NRXN3: variants seen among roughly 807,000 people sequenced by gnomAD.
NRXN3 encodes the protein neurexin III.
Under a neutral mutation model 137.6 loss-of-function variants are expected in NRXN3, and 32 were observed. That is an observed-to-expected ratio of 0.23 (90% CI 0.18 to 0.31). The LOEUF is 0.31. Ranked by LOEUF, NRXN3 falls within the 10% of genes least tolerant of loss-of-function variation. The pLI is 1.00. For missense variants in NRXN3, 1,574 were observed against 2,062.5 expected (o/e 0.76, Z 4.59); for synonymous variants, 798 against 784.5 (o/e 1.02, Z -0.29).
At chr14:79,616,315 T>C (rs948686288) in intron 16 of NRXN3, among the ~76,000 whole-genome samples, 1 of 152,054 alleles carries the variant, frequency 6.6e-6, no homozygotes, top group African/African-American at 2.4e-5. Context: ...GGGAAATCTT[T>C]AAGGGGTACA....
chr14:78,634,939 T>G (rs1208394498), intron 4 of NRXN3, among the ~76,000 whole-genome samples: 1 of 152,196 alleles, frequency 6.6e-6, no homozygotes, highest in Non-Finnish European at 1.5e-5. Context: ...AGGAAGGACA[T>G]GTTAAGTAAA....
chr14:79,141,978 A>G (rs2058826887), intron 15 of NRXN3, among the ~76,000 whole-genome samples: 2 of 152,206 alleles, frequency 1.3e-5, no homozygotes, highest in Admixed American at 1.3e-4. Context: ...CTCAGCCATC[A>G]AAATATCCAT....
intron 15 of NRXN3, chr14:79,246,783 A>G (rs1597774134): frequency 1.3e-5 from 2 of 152,314 alleles, no homozygotes; most frequent in African/African-American, 4.8e-5. Context: ...ACAACATTTT[A>G]AAATTGAATA....
intron 16 of NRXN3, among the ~76,000 whole-genome samples, chr14:79,479,762 T>G (rs899714710): frequency 6.6e-6 from 1 of 152,102 alleles, no homozygotes; most frequent in South Asian, 2.1e-4. Flanking sequence ...AGGCACCTAA[T>G]TACCCCCAAG....
chr14:78,961,151 T>C (rs901581220), intron 11 of NRXN3, among the ~76,000 whole-genome samples: 2 of 151,748 alleles, frequency 1.3e-5, no homozygotes, highest in Admixed American at 1.3e-4. Context: ...ATGGGCAAAA[T>C]ATGAAGATTC....
intron 1 of NRXN3, among the ~76,000 whole-genome samples, chr14:78,195,007 G>A (rs1490007837): frequency 2.6e-5 from 4 of 152,226 alleles, no homozygotes; most frequent in African/African-American, 9.6e-5. Flanking sequence ...TTTCAGAGGT[G>A]TTAAGAAGCC....
chr14:78,825,875 T>C (rs1255975464), intron 10 of NRXN3, among the ~76,000 whole-genome samples: 1 of 152,152 alleles, frequency 6.6e-6, no homozygotes, highest in Non-Finnish European at 1.5e-5. Context: ...GTCACATTAT[T>C]AAGAGAGAAG....
intron 10 of NRXN3, among the ~76,000 whole-genome samples, chr14:78,921,506 T>C (rs1472829898): frequency 6.6e-6 from 1 of 152,100 alleles, no homozygotes; most frequent in Non-Finnish European, 1.5e-5. Flanking sequence ...ACGGGAAAAA[T>C]GGAGAAGTCA....
At chr14:79,148,232 G>C (rs1200840512) in intron 15 of NRXN3, among the ~76,000 whole-genome samples, 1 of 152,108 alleles carries the variant, frequency 6.6e-6, no homozygotes, top group Non-Finnish European at 1.5e-5. Flanking sequence ...GAAGCTCAGA[G>C]GGTTCATGGT....
chr14:78,633,315 A>G (rs950717140), intron 4 of NRXN3, among the ~76,000 whole-genome samples: 1 of 151,742 alleles, frequency 6.6e-6, no homozygotes, highest in Non-Finnish European at 1.5e-5. Flanking sequence ...AATGAAATAA[A>G]TACTTTCTTC....
rs117665951 is a variant in NRXN3 at position 79,302,508 on chromosome 14, G to T, written c.3263-164713G>T. Among the ~76,000 whole-genome samples, 640 of 152,010 alleles carry T rather than the reference G, an allele frequency of 4.2e-3. 3 individuals carry two copies. Among genetic ancestry groups the T allele is most frequent in the Non-Finnish European group, 6.7e-3 (456 of 67,910 alleles). On this transcript the variant is annotated intron_variant, in intron 15 of 20. Coordinates refer to ENST00000335750, the MANE Select transcript of NRXN3 (RefSeq NM_001330195.2). The stretch of plus-strand genomic sequence containing the variant: ...CTCTTTTTAACAATCAGATCTCATG[G>T]TAACTACAGAGTGAGAGCTCAATAT...
intron 4 of NRXN3, among the ~76,000 whole-genome samples, chr14:78,402,295 T>C (rs1018695119): frequency 6.6e-6 from 1 of 152,244 alleles, no homozygotes; most frequent in Non-Finnish European, 1.5e-5. Flanking sequence ...AATAAGTGAT[T>C]ACTTGGAATT....
intron 15 of NRXN3, among the ~76,000 whole-genome samples, chr14:79,333,535 A>G (rs2153336517): frequency 6.6e-6 from 1 of 152,258 alleles, no homozygotes; most frequent in South Asian, 2.1e-4. Context: ...TCTTCCCACC[A>G]TTGGAGAAGG....
At chr14:79,048,829 C>T (rs1385314599) in intron 15 of NRXN3, among the ~76,000 whole-genome samples, 2 of 149,140 alleles carry the variant, frequency 1.3e-5, no homozygotes, top group East Asian at 3.9e-4. Flanking sequence ...TCGAGACCAT[C>T]CTGGCTAACA....
chr14:79,036,061 G>T (rs972209650), intron 15 of NRXN3, among the ~76,000 whole-genome samples: 2 of 151,836 alleles, frequency 1.3e-5, no homozygotes, highest in Non-Finnish European at 2.9e-5. Flanking sequence ...GAAAAACATC[G>T]TAGTTTTTAC....
intron 15 of NRXN3, among the ~76,000 whole-genome samples, chr14:79,004,252 A>G (rs913894953): frequency 1.3e-5 from 2 of 152,004 alleles, no homozygotes; most frequent in African/African-American, 4.8e-5. Context: ...AATAGTGTTG[A>G]TAATTTCTTT....
intron 15 of NRXN3, among the ~76,000 whole-genome samples, chr14:79,146,220 A>G (rs750977956): frequency 4.6e-5 from 7 of 152,264 alleles, no homozygotes; most frequent in Admixed American, 6.5e-5. Flanking sequence ...CACAGTGAAT[A>G]AGCAATAGAT....
intron 4 of NRXN3, among the ~76,000 whole-genome samples, chr14:78,451,551 G>A (rs2094550897): frequency 6.6e-6 from 1 of 152,206 alleles, no homozygotes; most frequent in African/African-American, 2.4e-5. Context: ...AACATGCAAA[G>A]TCTGGGGTGT....
At chr14:78,512,771 G>C (rs1165247541) in intron 4 of NRXN3, among the ~76,000 whole-genome samples, 2 of 152,114 alleles carry the variant, frequency 1.3e-5, no homozygotes, top group Non-Finnish European at 2.9e-5. Flanking sequence ...ACAACCCTAA[G>C]AGATAAAAAA....
Sources: gnomAD v4.1 joint callset for allele counts (sites outside exome capture counted in the v4.1 genomes callset) on GRCh38, gnomAD v4.1.1 for gene constraint, MANE v1.5 for transcripts, NCBI Gene and HGNC (gene_info 2026-07-23, HGNC 2026-07-21) for gene names.